Variants in KAZN observed in about 807,000 individuals in gnomAD.
The protein encoded by KAZN is kazrin.
KAZN carries 40 observed loss-of-function variants against 87.4 expected under a neutral mutation model. The observed-to-expected ratio is 0.46, with a 90% CI of 0.36 to 0.60. KAZN has a LOEUF of 0.60. KAZN is among the 20% of genes least tolerant of loss of function. The probability of loss-of-function intolerance (pLI) is 0.00; values close to 1 mark genes in which losing one functional copy is unlikely to be tolerated. For missense variants in KAZN, 898 were observed against 1,073.9 expected, an observed-to-expected ratio of 0.84 and a Z score of 2.29; for synonymous variants, 466 against 458.3, an observed-to-expected ratio of 1.02 and a Z score of -0.22.
At chr1:14,088,372 A>G (rs1223082972) in intron 1 of KAZN, among the ~76,000 whole-genome samples, 2 of 151,908 alleles carry the variant, frequency 1.3e-5, no homozygotes, top group Admixed American at 1.3e-4. Context: ...TTATAATTTT[A>G]TTATTTCTTC....
intron 1 of KAZN, among the ~76,000 whole-genome samples, chr1:14,129,813 T>C (rs889197610): frequency 6.6e-6 from 1 of 152,122 alleles, no homozygotes; most frequent in Non-Finnish European, 1.5e-5. Context: ...ATATGCACGT[T>C]CCTATCCATT....
At chr1:14,060,914 T>C (rs968432769) in intron 1 of KAZN, among the ~76,000 whole-genome samples, 1 of 152,230 alleles carries the variant, frequency 6.6e-6, no homozygotes, top group Admixed American at 6.5e-5. Context: ...GAACTCCTGC[T>C]GCCTGCAGTG....
intron 2 of KAZN, among the ~76,000 whole-genome samples, chr1:14,364,739 G>A (rs565373376): frequency 3.3e-5 from 5 of 152,290 alleles, no homozygotes; most frequent in East Asian, 3.9e-4. Context: ...ACAAGTTGTC[G>A]TCAGGGACAT....
chr1:14,372,342 T>C (rs926568960), intron 2 of KAZN, among the ~76,000 whole-genome samples: 10 of 152,212 alleles, frequency 6.6e-5, no homozygotes, highest in Non-Finnish European at 1.0e-4. Flanking sequence ...TCTTGGACTT[T>C]GAGTCATTGG....
At chr1:14,047,893 G>C (rs1217640023) in intron 1 of KAZN, among the ~76,000 whole-genome samples, 9 of 150,172 alleles carry the variant, frequency 6.0e-5, no homozygotes, top group Non-Finnish European at 1.5e-5. Context: ...AAAAAATAAA[G>C]AAAGAAGGAA....
intron 1 of KAZN, among the ~76,000 whole-genome samples, chr1:13,978,685 T>C (rs1440862505): frequency 6.6e-6 from 1 of 150,416 alleles, no homozygotes; most frequent in Non-Finnish European, 1.5e-5. Flanking sequence ...AAAATCAGAA[T>C]TTTTTTTTTA....
chr1:14,254,816 T>A (rs965046550), intron 2 of KAZN, among the ~76,000 whole-genome samples: 4 of 152,168 alleles, frequency 2.6e-5, no homozygotes, highest in African/African-American at 7.2e-5. Flanking sequence ...CTTACAAGCA[T>A]GGCAGAAGTT....
chr1:14,928,653 G>C (rs564237546), intron 1 of KAZN, among the ~76,000 whole-genome samples: 1 of 152,254 alleles, frequency 6.6e-6, no homozygotes, highest in Non-Finnish European at 1.5e-5. Flanking sequence ...ACTTGTGCTG[G>C]GACTGGATGA....
intron 2 of KAZN, among the ~76,000 whole-genome samples, chr1:14,414,710 T>C (rs990167540): frequency 2.0e-5 from 3 of 149,588 alleles, no homozygotes; most frequent in South Asian, 2.1e-4. Flanking sequence ...TCTGGGAGAG[T>C]TGGAGGAGAA....
At chr1:14,153,887 T>C (rs963774232) in intron 1 of KAZN, among the ~76,000 whole-genome samples, 1 of 152,080 alleles carries the variant, frequency 6.6e-6, no homozygotes, top group Non-Finnish European at 1.5e-5. Context: ...GCCAGGACCA[T>C]ACCATTTTGG....
intron 2 of KAZN, among the ~76,000 whole-genome samples, chr1:14,324,027 T>G (rs1003937579): frequency 6.6e-6 from 1 of 152,196 alleles, no homozygotes; most frequent in Non-Finnish European, 1.5e-5. Flanking sequence ...ATACTTACAA[T>G]GCCTTGCCAA....
At chr1:15,080,191 T>C (rs148646829) in intron 8 of KAZN, among the ~76,000 whole-genome samples, 45 of 152,308 alleles carry the variant, frequency 3.0e-4, no homozygotes, top group African/African-American at 8.9e-4. Flanking sequence ...GTCTAGGCCT[T>C]TGCAAGACGG....
At chr1:14,414,856 CTCTACTAAAAAATACAAAAGT>C (rs1333528862) in intron 2 of KAZN, among the ~76,000 whole-genome samples, 1 of 152,078 alleles carries the variant, frequency 6.6e-6, no homozygotes, top group African/African-American at 2.4e-5. Flanking sequence ...GAAACCCCGT[CTCTACTAAAAAATACAAAAGT>C]TAGCCAGGTA....
rs755548120 is a variant in KAZN, at chr1:14,422,642, C to T, written c.250-176341C>T. Among the ~76,000 whole-genome samples, 124 of 152,308 alleles carry T rather than the reference C, an allele frequency of 8.1e-4. 3 individuals carry two copies. The highest frequency in any genetic ancestry group is 6.2e-4 in the South Asian group (3 of 4,826). ...TTGAAAACAGACGATGCTTTATATT[C>T]AAATACAGTTATATGATATCTAGGT... is the stretch of plus-strand genomic sequence containing the variant. On this transcript the variant is annotated intron_variant, in intron 2 of 16. Transcript: ENST00000636203.
intron 1 of KAZN, among the ~76,000 whole-genome samples, chr1:13,996,325 G>A (rs920964976): frequency 3.9e-5 from 6 of 152,144 alleles, no homozygotes; most frequent in Admixed American, 2.0e-4. Flanking sequence ...TGGAGCTCCC[G>A]GGGAGGGAGG....
At chr1:15,052,496 T>C (rs1345057648) in intron 4 of KAZN, among the ~76,000 whole-genome samples, 1 of 151,938 alleles carries the variant, frequency 6.6e-6, no homozygotes, top group Admixed American at 6.6e-5. Context: ...TAATTCAAGA[T>C]GAGATTTGGA....
chr1:14,319,065 TTTC>T (rs1413405956), intron 2 of KAZN, among the ~76,000 whole-genome samples: 8 of 146,108 alleles, frequency 5.5e-5, no homozygotes, highest in African/African-American at 1.8e-4. Context: ...TTTATTTATT[TTTC>T]TGGTGATGGG....
At chr1:13,967,277 T>G (rs1446115901) in intron 1 of KAZN, among the ~76,000 whole-genome samples, 1 of 151,820 alleles carries the variant, frequency 6.6e-6, no homozygotes, top group Non-Finnish European at 1.5e-5. Flanking sequence ...GACTTAAGAG[T>G]GCATTAATTA....
At chr1:14,165,128 G>A (rs1000169083) in intron 1 of KAZN, among the ~76,000 whole-genome samples, 5 of 152,022 alleles carry the variant, frequency 3.3e-5, no homozygotes, top group African/African-American at 9.7e-5. Context: ...TGTGTCATGT[G>A]TACATAGCTA....
Sources: gnomAD v4.1 joint callset for allele counts (sites outside exome capture counted in the v4.1 genomes callset) on GRCh38, gnomAD v4.1.1 for gene constraint, MANE v1.5 for transcripts, NCBI Gene and HGNC (gene_info 2026-07-23, HGNC 2026-07-21) for gene names.